CREB3L3: variants seen among roughly 807,000 people sequenced by gnomAD.
CREB3L3 encodes cAMP responsive element binding protein 3 like 3.
Under a neutral mutation model 44.6 loss-of-function variants are expected in CREB3L3, and 40 were observed. The observed-to-expected ratio is 0.90, with a 90% CI of 0.70 to 1.17. The LOEUF is 1.17. Among genes scored for constraint, CREB3L3 ranks in the 50% most tolerant of loss-of-function variants. The probability of loss-of-function intolerance (pLI) is 0.00; values close to 1 mark genes in which losing one functional copy is unlikely to be tolerated. For missense variants in CREB3L3, 578 were observed against 595.8 expected, an observed-to-expected ratio of 0.97 and a Z score of 0.31; for synonymous variants, 273 against 256.3, an observed-to-expected ratio of 1.06 and a Z score of -0.62.
rs548389027 is a variant in CREB3L3, at chr19:4,164,820, C to T, written c.714+180C>T. ...GCCTCTCAGATTCCAGCGATTCTCC[C>T]GCCTCAGCCTCCTGAGTAGCTGGGA... On this transcript the variant is annotated intron_variant, in intron 5 of 9. Transcript: ENST00000078445. 4.6e-5 allele frequency among the ~76,000 whole-genome samples: 7 copies of T among 152,128 alleles called. No individual in the cohort carries two copies. In the East Asian group the frequency reaches 1.2e-3, roughly 25 times the overall value.
Position 4,171,890 on chromosome 19 carries a change from C to A in CREB3L3, c.1307C>A (p.Ala436Asp), listed in dbSNP as rs750032711. 3.1e-6 allele frequency: 5 copies of A among 1,612,730 alleles called. No homozygotes were observed. The African/African-American group carries it at 6.7e-5, about 22-fold the overall frequency. Residue 436 changes from alanine (A) to aspartate (D), a missense_variant, in exon 10 of 10, where the codon GCC becomes GAC. Physicochemically the swap from Ala to Asp is moderately radical, Grantham distance 126. Transcript: ENST00000078445. This position sits in a 1 kb window ranked among gnomAD's most constrained non-coding sequence, Gnocchi z 4.9. ...RNATEGLGQV[A>D]LLDWVAPGPS... ...GCAACAGAGGGGCTGGGCCAGGTCGCCCTGCTGGACTGGGTGGCGCCTGGG... is the reference window on the plus strand; with the variant it reads ...GCAACAGAGGGGCTGGGCCAGGTCGACCTGCTGGACTGGGTGGCGCCTGGG...
rs773414002 is a variant in CREB3L3 at position 4,154,931 on chromosome 19, C to T, written c.60C>T (p.Ile20=). Residue 20 remains isoleucine (I), a synonymous_variant, in exon 2 of 10, where the codon ATC becomes ATT. Coordinates refer to ENST00000078445, the MANE Select transcript of CREB3L3 (RefSeq NM_032607.3). ...MASAACSMDP[I]DSFELLDLLF... is the part of the protein sequence containing the mutation. The stretch of plus-strand genomic sequence containing the variant: ...CTGCTGCCTGCTCCATGGACCCCAT[C>T]GACAGCTTTGAGCTCCTGGATCTCC... The T allele has an allele frequency of 1.2e-5, 20 of 1,613,800 alleles. No homozygotes were observed. Among genetic ancestry groups the T allele is most frequent in the Admixed American group, 1.7e-5 (1 of 59,996 alleles).
intron 6 of CREB3L3, 111 bp downstream of exon 6, chr19:4,168,568 TCTC>T (rs1966975696): frequency 2.5e-6 from 2 of 790,250 alleles, no homozygotes; most frequent in African/African-American, 3.5e-5. Context: ...TGGAGGTGAT[TCTC>T]CTCTCTGGGA....
intron 1 of CREB3L3, 99 bp downstream of exon 1, chr19:4,153,873 A>G: frequency 7.6e-7 from 1 of 1,320,554 alleles, no homozygotes; most frequent in Non-Finnish European, 1.1e-6. Flanking sequence ...CCCCTATTGT[A>G]CAGATGGGAA....
chr19:4,163,257 G>A (rs1456345818), intron 4 of CREB3L3, among the ~76,000 whole-genome samples: 2 of 151,198 alleles, frequency 1.3e-5, no homozygotes, highest in Non-Finnish European at 2.9e-5. Flanking sequence ...GCAGTGAGCC[G>A]AGATCGCGCC....
At chr19:4,168,228 A>G in intron 5 of CREB3L3, 123 bp from the exon 6 acceptor site, 1 of 649,170 alleles carries the variant, frequency 1.5e-6, no homozygotes, top group Non-Finnish European at 2.9e-6. Context: ...CGAACTCCTG[A>G]CCTCAGGTGA....
intron 6 of CREB3L3, 105 bp downstream of exon 6, chr19:4,168,562 G>T (rs1006254645): frequency 9.5e-6 from 8 of 840,820 alleles, no homozygotes; most frequent in African/African-American, 5.1e-5. Flanking sequence ...CAAAATTGGA[G>T]GTGATTCTCC....
At position 4,171,616 on chromosome 19, in the gene CREB3L3, C is replaced by A. The variant is rs574439297; in HGVS notation, c.1073-40C>A. 2 of 1,609,646 alleles carry A rather than the reference C, an allele frequency of 1.2e-6. No homozygotes were observed. The highest frequency in any genetic ancestry group is 3.3e-5 in the Admixed American group (2 of 60,004). ...CAGGGAAGGGAGCATAGGACCCCAC[C>A]TCCACCTTGTCCCCTGTGATGCCCC... is the stretch of plus-strand genomic sequence containing the variant. On this transcript the variant is annotated intron_variant, in intron 9 of 9. Coordinates refer to ENST00000078445, the MANE Select transcript of CREB3L3 (RefSeq NM_032607.3). The surrounding 1 kb of genome is among the most constrained non-coding windows in gnomAD (Gnocchi z 4.9).
intron 2 of CREB3L3, among the ~76,000 whole-genome samples, chr19:4,156,097 C>CGTT (rs2041570187): frequency 7.3e-6 from 1 of 136,300 alleles, no homozygotes; most frequent in Non-Finnish European, 1.5e-5. Flanking sequence ...CTCTCTCTCT[C>CGTT]TCTCTCTCTC....
In CREB3L3 at chr19:4,156,123, CCCTCTCTCTCTGTCT is replaced by C. The variant is rs1311769252; in HGVS notation, c.157-870_157-856del. ...TCTCTCTCTCTCTCTCTCTCTCCCC[CCCTCTCTCTCTGTCT>C]CTCTCTCTCTCCCCCTCCCTCCCTT... On this transcript the variant is annotated intron_variant, in intron 2 of 9. Transcript: ENST00000078445. 1.9e-3 allele frequency among the ~76,000 whole-genome samples: 240 copies of C among 124,230 alleles called. 3 individuals are homozygous for C. Among genetic ancestry groups the C allele is most frequent in the South Asian group, 4.2e-3 (13 of 3,126 alleles). The allele number at this position is 124,230 out of a possible 152,430, so 81.5% of individuals were successfully genotyped here.
intron 4 of CREB3L3, 48 bp from the exon 5 acceptor site, chr19:4,164,455 C>A (rs770021920): frequency 6.2e-7 from 1 of 1,611,804 alleles, no homozygotes; most frequent in South Asian, 1.1e-5. Flanking sequence ...TTCCTGAAGG[C>A]AGTTGGCGTC....
chr19:4,159,395 C>T (rs548511130), intron 3 of CREB3L3, among the ~76,000 whole-genome samples: 1 of 111,658 alleles, frequency 9.0e-6, no homozygotes, highest in African/African-American at 3.2e-5. Context: ...AGATGATCCG[C>T]CTGCCTTGGC....
intron 6 of CREB3L3, among the ~76,000 whole-genome samples, chr19:4,169,064 G>A (rs926503903): frequency 2.6e-5 from 4 of 151,978 alleles, no homozygotes; most frequent in African/African-American, 4.8e-5. Context: ...AATCTGCTAA[G>A]CTCCTGATCA....
chr19:4,155,883 G>T (rs1220308928), intron 2 of CREB3L3, among the ~76,000 whole-genome samples: 1 of 151,664 alleles, frequency 6.6e-6, no homozygotes, highest in Non-Finnish European at 1.5e-5. Flanking sequence ...GAGTAGCTGG[G>T]ATTACAGGCA....
Position 4,157,015 on chromosome 19 carries a change from C to A in CREB3L3, c.177C>A (p.Asp59Glu), listed in dbSNP as rs2041590388. Reference sequence around the variant, plus strand: ...CCCAGCAGGTCCTGCCAAACCCCGACTCTGACGACTTCCTCAGCTCCATCC... The same window carrying A: ...CCCAGCAGGTCCTGCCAAACCCCGAATCTGACGACTTCCTCAGCTCCATCC... Reference protein sequence around the residue: ...VKDQQVLPNPDSDDFLSSILG... With the variant: ...VKDQQVLPNPESDDFLSSILG... Residue 59 changes from aspartate (D) to glutamate (E), a missense_variant, in exon 3 of 10, where the codon GAC (aspartate) becomes GAA (glutamate). Coordinates refer to ENST00000078445, the MANE Select transcript of CREB3L3 (RefSeq NM_032607.3). 1 of 1,614,024 alleles carries A rather than the reference C, an allele frequency of 6.2e-7. No homozygotes were observed. Among genetic ancestry groups the A allele is most frequent in the Non-Finnish European group, 8.5e-7 (1 of 1,180,038 alleles).
At chr19:4,166,056 G>A (rs1465002922) in intron 5 of CREB3L3, among the ~76,000 whole-genome samples, 5 of 151,378 alleles carry the variant, frequency 3.3e-5, no homozygotes, top group African/African-American at 1.2e-4. Flanking sequence ...GCTGCACTCA[G>A]TATCAATGCC....
At chr19:4,156,093 CTCTCTCTCTCTCT>C (rs1568277753) in intron 2 of CREB3L3, among the ~76,000 whole-genome samples, 1 of 7,498 alleles carries the variant, frequency 1.3e-4, no homozygotes, top group Non-Finnish European at 1.9e-4. Flanking sequence ...CTCTCTCTCT[CTCTCTCTCTCTCT>C]CTCTCTCTCT....
At chr19:4,169,849 A>T (rs559057910) in intron 6 of CREB3L3, among the ~76,000 whole-genome samples, 24 of 151,924 alleles carry the variant, frequency 1.6e-4, no homozygotes, top group Non-Finnish European at 3.2e-4. Context: ...TCCGCCCACC[A>T]CGGCCTCCCA....
intron 5 of CREB3L3, among the ~76,000 whole-genome samples, chr19:4,167,684 AG>A (rs1966947456): frequency 6.6e-6 from 1 of 152,118 alleles, no homozygotes; most frequent in African/African-American, 2.4e-5. Context: ...AAGGTGGTGG[AG>A]TGGTACCCAT....
Sources: gnomAD v4.1 joint callset for allele counts (sites outside exome capture counted in the v4.1 genomes callset) on GRCh38, gnomAD v4.1.1 for gene constraint, Gnocchi (gnomAD v3.1) non-coding constraint, MANE v1.5 for transcripts, NCBI Gene and HGNC (gene_info 2026-07-23, HGNC 2026-07-21) for gene names.